KCMF1: variants seen among roughly 807,000 people sequenced by gnomAD.
The protein encoded by KCMF1 is E3 ubiquitin-protein ligase KCMF1.
Under a neutral mutation model 41.1 loss-of-function variants are expected in KCMF1, and 3 were observed. The ratio of observed to expected loss-of-function variants is 0.07; its 90% CI spans 0.03 to 0.19. The LOEUF (loss-of-function observed/expected upper bound fraction) is 0.19, where lower values mean the gene tolerates loss of function less well. Among genes scored for constraint, KCMF1 ranks in the 10% least tolerant of loss-of-function variants. The probability of loss-of-function intolerance (pLI) is 1.00; values close to 1 mark genes in which losing one functional copy is unlikely to be tolerated. For synonymous variants in KCMF1, 142 were observed against 164.5 expected, an observed-to-expected ratio of 0.86 and a Z score of 1.04; for missense variants, 286 against 488.9, an observed-to-expected ratio of 0.58 and a Z score of 3.91.
chr2:85,054,576 G>T lies in KCMF1; in HGVS notation c.*1167G>T, dbSNP rs1285442155. 6.6e-6 allele frequency: 1 copy of T among 151,382 alleles called. No homozygotes were observed. The highest frequency in any genetic ancestry group is 2.5e-5 in the African/African-American group (1 of 40,800). 9.4% of individuals were successfully genotyped at this position (151,382 alleles called of 1,614,324 possible). A position where few individuals can be genotyped will look rare whatever the true frequency, so the allele number is the denominator to read the frequency against. ...AAAAAAAATGTACAGCTTTTTTTGG[G>T]TTTGTTTTGGGGTTTGGAAGGGCCG... is the stretch of plus-strand genomic sequence containing the variant. On this transcript the variant is annotated 3_prime_UTR_variant, in exon 7 of 7. Coordinates refer to ENST00000409785, the MANE Select transcript of KCMF1 (RefSeq NM_020122.5).
intron 1 of KCMF1, among the ~76,000 whole-genome samples, chr2:84,980,657 C>G (rs543241429): frequency 3.3e-4 from 47 of 142,864 alleles, no homozygotes; most frequent in Non-Finnish European, 6.9e-4. Context: ...TTTTTTTTGT[C>G]TTGAGGCCGG....
intron 3 of KCMF1, among the ~76,000 whole-genome samples, chr2:85,037,005 G>A (rs1270224194): frequency 6.1e-5 from 3 of 49,400 alleles, no homozygotes; most frequent in East Asian, 9.3e-4. Flanking sequence ...CCCCCATCCC[G>A]CCCCTGAAAG....
rs1050263168 is a variant in KCMF1 at position 84,982,026 on chromosome 2, G to T, written c.16+10559G>T. ...TCGAACCTCTGACCTCAGTTGGTCCGCCTGCCTCTGCCTCCCAATGTGCTG... is the reference window on the plus strand; with the variant it reads ...TCGAACCTCTGACCTCAGTTGGTCCTCCTGCCTCTGCCTCCCAATGTGCTG... On this transcript the variant is annotated intron_variant, in intron 1 of 6. Coordinates refer to ENST00000409785, the MANE Select transcript of KCMF1 (RefSeq NM_020122.5). 6.6e-5 allele frequency among the ~76,000 whole-genome samples: 10 copies of T among 151,780 alleles called. No homozygotes were observed. The South Asian group carries it at 1.7e-3, about 25-fold the overall frequency.
At chr2:85,002,065 G>A (rs778992607) in intron 1 of KCMF1, among the ~76,000 whole-genome samples, 21 of 152,132 alleles carry the variant, frequency 1.4e-4, no homozygotes, top group Non-Finnish European at 2.6e-4. Flanking sequence ...CCTAACCATG[G>A]TAGGCTTTGG....
At chr2:85,011,824 CA>C (rs1429023634) in intron 1 of KCMF1, among the ~76,000 whole-genome samples, 1 of 152,154 alleles carries the variant, frequency 6.6e-6, no homozygotes, top group East Asian at 1.9e-4. Flanking sequence ...CATTTTGGGC[CA>C]GGGGGCTGTC....
At chr2:85,026,468 A>G (rs574041376) in intron 1 of KCMF1, among the ~76,000 whole-genome samples, 20 of 138,410 alleles carry the variant, frequency 1.4e-4, no homozygotes, top group Admixed American at 3.6e-4. Flanking sequence ...CTTTATTATT[A>G]TTATTATTAT....
chr2:84,974,657 T>TCATA (rs1458406625), intron 1 of KCMF1, among the ~76,000 whole-genome samples: 1 of 85,100 alleles, frequency 1.2e-5, no homozygotes, highest in African/African-American at 4.5e-5. Context: ...CATTTTAATT[T>TCATA]CATATATATA....
chr2:84,990,455 G>T (rs574990136), intron 1 of KCMF1, among the ~76,000 whole-genome samples: 9 of 152,140 alleles, frequency 5.9e-5, no homozygotes, highest in South Asian at 2.1e-4. Flanking sequence ...GGGGTTGGGG[G>T]GTGGAGTAGA....
intron 1 of KCMF1, among the ~76,000 whole-genome samples, chr2:84,986,907 A>C (rs1673914353): frequency 6.6e-6 from 1 of 152,024 alleles, no homozygotes; most frequent in Non-Finnish European, 1.5e-5. Context: ...AGGTTGATGG[A>C]CTTACTTAAG....
intron 1 of KCMF1, among the ~76,000 whole-genome samples, chr2:85,003,258 G>T (rs1674376489): frequency 1.3e-5 from 2 of 152,092 alleles, no homozygotes; most frequent in Non-Finnish European, 2.9e-5. Context: ...CAGATAACGA[G>T]GTCAGGAGAT....
At position 85,046,185 on chromosome 2, in the gene KCMF1, A is replaced by G. The variant is rs568493975; in HGVS notation, c.508A>G (p.Asn170Asp). 3.1e-6 allele frequency: 5 copies of G among 1,613,444 alleles called. No individual in the cohort carries two copies. Among genetic ancestry groups the G allele is most frequent in the African/African-American group, 1.3e-5 (1 of 75,046 alleles). The change falls in exon 5 of 7, where the codon AAC becomes GAC. Residue 170 changes from asparagine (N) to aspartate (D), a missense_variant. Asn to Asp is a conservative substitution (Grantham distance 23). Transcript: ENST00000409785. ...GLGGPRARRS[N>D]MHFTSSSTGG... The stretch of plus-strand genomic sequence containing the variant: ...AGGAGGTCCTCGTGCTCGTAGATCA[A>G]ACATGCACTTTACTAGCAGTTCTAC...
chr2:85,046,079 GT>G, intron 4 of KCMF1, 24 bp from the exon 5 acceptor site: 1 of 1,577,490 alleles, frequency 6.3e-7, no homozygotes, highest in African/African-American at 1.4e-5. Context: ...AAATACTTTC[GT>G]TTTTTTCTTA....
chr2:84,996,426 T>G (rs1222266034), intron 1 of KCMF1, among the ~76,000 whole-genome samples: 1 of 148,484 alleles, frequency 6.7e-6, no homozygotes, highest in Non-Finnish European at 1.5e-5. Context: ...CTAAATAACC[T>G]AAGATTTTTT....
chr2:84,995,910 A>T (rs2103983248), intron 1 of KCMF1, among the ~76,000 whole-genome samples: 1 of 152,390 alleles, frequency 6.6e-6, no homozygotes, highest in Admixed American at 6.5e-5. Context: ...TTAGGAAGTT[A>T]TTTAAAGAAG....
chr2:85,004,053 T>TA (rs1453170438), intron 1 of KCMF1, among the ~76,000 whole-genome samples: 19 of 152,314 alleles, frequency 1.2e-4, no homozygotes, highest in Non-Finnish European at 2.1e-4. Flanking sequence ...ACAGCACAGA[T>TA]ACGCCAAGCA....
At chr2:84,988,810 G>T (rs1450443793) in intron 1 of KCMF1, among the ~76,000 whole-genome samples, 1 of 152,128 alleles carries the variant, frequency 6.6e-6, no homozygotes. Flanking sequence ...CTTTTTCTTT[G>T]GAGAACCACA....
At chr2:85,007,393 G>A (rs1674499450) in intron 1 of KCMF1, among the ~76,000 whole-genome samples, 1 of 152,174 alleles carries the variant, frequency 6.6e-6, no homozygotes, top group African/African-American at 2.4e-5. Flanking sequence ...GAAATCATTG[G>A]GCAAGGTCAC....
At chr2:84,993,391 A>G (rs1450829128) in intron 1 of KCMF1, among the ~76,000 whole-genome samples, 2 of 151,992 alleles carry the variant, frequency 1.3e-5, no homozygotes, top group East Asian at 1.9e-4. Flanking sequence ...TCAACCTGCA[A>G]TACAGAGAAG....
chr2:84,986,599 C>T (rs547295129), intron 1 of KCMF1, among the ~76,000 whole-genome samples: 2 of 151,756 alleles, frequency 1.3e-5, no homozygotes, highest in African/African-American at 4.8e-5. Context: ...AAGGCTGGGC[C>T]GGGTGCGGTG....
Sources: allele counts gnomAD v4.1 joint callset (sites outside exome capture counted in the v4.1 genomes callset), GRCh38; gene constraint gnomAD v4.1.1; transcripts MANE v1.5; gene names NCBI Gene and HGNC (gene_info 2026-07-23, HGNC 2026-07-21).